ERBB4: variants seen among roughly 807,000 people sequenced by gnomAD.
ERBB4 encodes the protein erb-b2 receptor tyrosine kinase 4, also known as receptor tyrosine-protein kinase erbB-4.
In ERBB4, 42 loss-of-function variants were observed where a neutral mutation model predicts 158.0. The observed-to-expected ratio is 0.27, with a 90% CI of 0.21 to 0.34. The LOEUF (loss-of-function observed/expected upper bound fraction) is 0.34. Among genes scored for constraint, ERBB4 ranks in the 10% least tolerant of loss-of-function variants. The probability of loss-of-function intolerance (pLI) is 1.00; values close to 1 mark genes in which losing one functional copy is unlikely to be tolerated. For missense variants in ERBB4, 1,333 were observed against 1,624.1 expected, an observed-to-expected ratio of 0.82 and a Z score of 3.08; for synonymous variants, 583 against 558.7, an observed-to-expected ratio of 1.04 and a Z score of -0.61.
At chr2:211,772,924 C>A (rs866451178) in intron 4 of ERBB4, among the ~76,000 whole-genome samples, 3 of 36,726 alleles carry the variant, frequency 8.2e-5, no homozygotes, top group African/African-American at 4.4e-4. Context: ...CACACACACA[C>A]ATATATATAT....
At chr2:211,533,986 T>C (rs1008472155) in intron 20 of ERBB4, among the ~76,000 whole-genome samples, 1 of 152,092 alleles carries the variant, frequency 6.6e-6, no homozygotes, top group Non-Finnish European at 1.5e-5. Flanking sequence ...TAGATATCAA[T>C]AGTGCTCCCA....
chr2:211,794,181 C>T (rs1293054251), intron 3 of ERBB4, among the ~76,000 whole-genome samples: 1 of 151,914 alleles, frequency 6.6e-6, no homozygotes, highest in Non-Finnish European at 1.5e-5. Context: ...AATGTTCTAA[C>T]TTATTAATAC....
rs1559292040 is a variant in ERBB4 at position 212,003,116 on chromosome 2, G to GAAAGAAAGAAA, written c.235-55501_235-55500insTTTCTTTCTTT. On this transcript the variant is annotated intron_variant, in intron 2 of 27. Coordinates refer to ENST00000342788, the MANE Select transcript of ERBB4 (RefSeq NM_005235.3). ...GACAGAGACAGAAAGAAAGAAAGAA[G>GAAAGAAAGAAA]GAAGGAAGGAAGGAAGGAAGGAAGG... 4.1e-3 allele frequency among the ~76,000 whole-genome samples: 67 copies of GAAAGAAAGAAA among 16,394 alleles called. 4 individuals are homozygous for GAAAGAAAGAAA. The highest frequency in any genetic ancestry group is 8.9e-3 in the African/African-American group (66 of 7,408). The allele number at this position is 16,394 out of a possible 152,430, so 10.8% of individuals were successfully genotyped here.
chr2:212,040,173 A>C lies in ERBB4; in HGVS notation c.234+84579T>G, dbSNP rs2077105068. Among the ~76,000 whole-genome samples the C allele has an allele frequency of 2.1e-5, 3 of 142,152 alleles. No individual in the cohort carries two copies. In the South Asian group the frequency reaches 6.5e-4, roughly 31 times the overall value. 93.3% of individuals were successfully genotyped at this position (142,152 alleles called of 152,430 possible). A position where few individuals can be genotyped will look rare whatever the true frequency, so the allele number is the denominator to read the frequency against. On this transcript the variant is annotated intron_variant, in intron 2 of 27. Transcript: ENST00000342788. ...CAGTTTAGTCTATTTTAAAGTTGGA[A>C]GTACCTAGATTATGAGTCTTTTTGC...
chr2:211,767,479 G>C (rs1016469542), intron 4 of ERBB4, among the ~76,000 whole-genome samples: 22 of 152,076 alleles, frequency 1.4e-4, no homozygotes, highest in African/African-American at 5.1e-4. Context: ...TGATGTATTA[G>C]TCCGTTCTCA....
intron 1 of ERBB4, among the ~76,000 whole-genome samples, chr2:212,405,687 T>C (rs908096255): frequency 6.6e-6 from 1 of 152,104 alleles, no homozygotes; most frequent in African/African-American, 2.4e-5. Flanking sequence ...CTGTTTCCCT[T>C]AGATCTTCAA....
chr2:211,873,145 ACGAGTAAGCTAAGCCC>A (rs1206915385), intron 3 of ERBB4, among the ~76,000 whole-genome samples: 2 of 151,122 alleles, frequency 1.3e-5, no homozygotes, highest in African/African-American at 4.9e-5. Context: ...TTGGAGTGCC[ACGAGTAAGCTAAGCCC>A]TTCCATTTCA....
chr2:212,162,994 CTT>C (rs2081247130), intron 1 of ERBB4, among the ~76,000 whole-genome samples: 1 of 151,966 alleles, frequency 6.6e-6, no homozygotes, highest in East Asian at 1.9e-4. Context: ...GAATGCCAAA[CTT>C]TTTTACTCAC....
intron 1 of ERBB4, among the ~76,000 whole-genome samples, chr2:212,126,480 A>AAAT (rs1170279365): frequency 2.0e-5 from 3 of 151,674 alleles, no homozygotes; most frequent in African/African-American, 4.8e-5. Context: ...AAAAAAAAAA[A>AAAT]AAAAATTGTG....
chr2:212,530,598 A>T (rs1382816839), intron 1 of ERBB4, among the ~76,000 whole-genome samples: 1 of 152,174 alleles, frequency 6.6e-6, no homozygotes, highest in African/African-American at 2.4e-5. Context: ...GCTATACTTG[A>T]TATAGTCACA....
At chr2:211,594,337 G>T (rs1358865233) in intron 19 of ERBB4, among the ~76,000 whole-genome samples, 1 of 152,094 alleles carries the variant, frequency 6.6e-6, no homozygotes, top group Non-Finnish European at 1.5e-5. Flanking sequence ...TACTCAGGAG[G>T]CTGAGGCAGG....
intron 2 of ERBB4, among the ~76,000 whole-genome samples, chr2:211,989,518 T>C (rs1235818843): frequency 6.6e-6 from 1 of 151,930 alleles, no homozygotes; most frequent in Non-Finnish European, 1.5e-5. Flanking sequence ...TTCTTCTGTT[T>C]AATCAATTTA....
intron 2 of ERBB4, among the ~76,000 whole-genome samples, chr2:212,115,274 G>A (rs11903314): frequency 0.076 from 11,484 of 151,206 alleles, 760 homozygotes; most frequent in African/African-American, 0.18. Flanking sequence ...TGTGACCAAC[G>A]AGAGACCTTT....
At chr2:211,916,666 A>C (rs1272485224) in intron 3 of ERBB4, among the ~76,000 whole-genome samples, 3 of 152,144 alleles carry the variant, frequency 2.0e-5, no homozygotes, top group Non-Finnish European at 4.4e-5. Flanking sequence ...TTTAAATTAA[A>C]TATTATCAAC....
At chr2:212,341,441 T>C (rs1995567) in intron 1 of ERBB4, among the ~76,000 whole-genome samples, 94,767 of 151,738 alleles carry the variant, frequency 0.62, 30,836 homozygotes, top group East Asian at 0.8. Flanking sequence ...TTTAGCTTCC[T>C]TTTATTTTTC....
chr2:212,005,970 C>T (rs909729857), intron 2 of ERBB4, among the ~76,000 whole-genome samples: 1 of 148,804 alleles, frequency 6.7e-6, no homozygotes, highest in Non-Finnish European at 1.5e-5. Context: ...ATTAGGATTG[C>T]AAAAATTTGC....
At chr2:211,836,265 T>A (rs74893819) in intron 3 of ERBB4, among the ~76,000 whole-genome samples, 4 of 152,014 alleles carry the variant, frequency 2.6e-5, no homozygotes, top group Non-Finnish European at 5.9e-5. Context: ...GTTTTACTCA[T>A]GGATAAAATT....
intron 19 of ERBB4, among the ~76,000 whole-genome samples, chr2:211,590,082 A>C (rs1210212658): frequency 1.3e-5 from 2 of 152,018 alleles, no homozygotes; most frequent in Non-Finnish European, 2.9e-5. Context: ...AAGAGTTCTC[A>C]TGCTAAGGAT....
intron 19 of ERBB4, among the ~76,000 whole-genome samples, chr2:211,606,447 A>T (rs201655145): frequency 6.2e-4 from 94 of 151,336 alleles, no homozygotes; most frequent in African/African-American, 2.1e-3. Context: ...GATTTGGAAA[A>T]TTTTTTTTTC....
Sources: allele counts gnomAD v4.1 joint callset (sites outside exome capture counted in the v4.1 genomes callset), GRCh38; gene constraint gnomAD v4.1.1; transcripts MANE v1.5; gene names NCBI Gene and HGNC (gene_info 2026-07-23, HGNC 2026-07-21).